PSTPIP1: variants seen among roughly 807,000 people sequenced by gnomAD.
The protein encoded by PSTPIP1 is proline-serine-threonine phosphatase interacting protein 1, also known as proline-serine-threonine phosphatase-interacting protein 1.
Under a neutral mutation model 69.6 loss-of-function variants are expected in PSTPIP1, and 66 were observed. The ratio of observed to expected loss-of-function variants is 0.95; its 90% confidence interval spans 0.78 to 1.16. The LOEUF (loss-of-function observed/expected upper bound fraction) is 1.16. Among genes scored for constraint, PSTPIP1 ranks in the 50% most tolerant of loss-of-function variants. The pLI is 0.00. For synonymous variants in PSTPIP1, 266 were observed against 222.7 expected (o/e 1.19, Z -1.73); for missense variants, 603 against 557.4 (o/e 1.08, Z -0.82).
At chr15:77,026,227 G>T (rs774043213) in intron 5 of PSTPIP1, 2 of 455,678 alleles carry the variant, frequency 4.4e-6, no homozygotes, top group East Asian at 1.4e-4. Context: ...GGCTGAAGTT[G>T]GATATAGGTT....
intron 1 of PSTPIP1, among the ~76,000 whole-genome samples, chr15:76,999,197 G>A (rs1317517446): frequency 1.3e-5 from 2 of 152,164 alleles, no homozygotes; most frequent in East Asian, 3.9e-4. Flanking sequence ...TACTGGCTGA[G>A]GACGTGTTCA....
At chr15:76,997,367 A>G (rs1353922093) in intron 1 of PSTPIP1, among the ~76,000 whole-genome samples, 1 of 152,148 alleles carries the variant, frequency 6.6e-6, no homozygotes, top group Non-Finnish European at 1.5e-5. Flanking sequence ...CCGAAAGGTC[A>G]CTGTAGGCAT....
At chr15:77,001,869 AAGG>A (rs1473245480) in intron 1 of PSTPIP1, among the ~76,000 whole-genome samples, 1 of 152,216 alleles carries the variant, frequency 6.6e-6, no homozygotes, top group Non-Finnish European at 1.5e-5. Flanking sequence ...GAATGAGAGA[AAGG>A]AGATGGATGA....
chr15:77,025,751 G>T, intron 5 of PSTPIP1, 147 bp downstream of exon 5: 1 of 739,410 alleles, frequency 1.4e-6, no homozygotes, highest in East Asian at 2.7e-5. Context: ...TGGGGCTTGA[G>T]GGTGATCTGA....
intron 4 of PSTPIP1, 62 bp downstream of exon 4, chr15:77,025,380 GGGGGACAGAAGATGAGGTGTTGGGGC>G: frequency 6.3e-7 from 1 of 1,581,960 alleles, no homozygotes; most frequent in South Asian, 1.1e-5. Context: ...GGAGGGTTTG[GGGGGACAGAAGATGAGGTGTTGGGGC>G]TGGGGCTGGG....
At chr15:77,034,283 C>T (rs980224201) in intron 12 of PSTPIP1, among the ~76,000 whole-genome samples, 3 of 152,174 alleles carry the variant, frequency 2.0e-5, no homozygotes, top group Non-Finnish European at 2.9e-5. Flanking sequence ...GTCCCCAGCC[C>T]CTGCTGGCTT....
chr15:77,022,633 G>T (rs4420499), intron 3 of PSTPIP1, among the ~76,000 whole-genome samples: 20,327 of 152,208 alleles, frequency 0.13, 1,493 homozygotes, highest in South Asian at 0.21. Flanking sequence ...AGAGCTCAAG[G>T]CTGTTCACTT....
rs2076342688 is a variant in PSTPIP1 at position 77,028,605 on chromosome 15, G to A, written c.469G>A (p.Ala157Thr). ...KCRDADDAEQAFERISANGHQ... is the reference protein window; with the variant it reads ...KCRDADDAEQTFERISANGHQ... ...CCGGGACGCGGACGACGCGGAGCAG[G>A]CCTTCGAGCGCATTAGCGCCAACGG... Residue 157 changes from alanine to threonine, a missense_variant, in exon 7 of 15, where the codon GCC becomes ACC. Ala to Thr is a moderately conservative substitution (Grantham distance 58). Coordinates refer to ENST00000558012, the MANE Select transcript of PSTPIP1 (RefSeq NM_003978.5). The A allele has an allele frequency of 6.3e-7, 1 of 1,598,966 alleles. No individual in the cohort carries two copies. The highest frequency in any genetic ancestry group is 1.3e-5 in the African/African-American group (1 of 74,716).
intron 3 of PSTPIP1, among the ~76,000 whole-genome samples, chr15:77,022,178 C>T (rs746964576): frequency 2.3e-4 from 35 of 152,186 alleles, no homozygotes; most frequent in South Asian, 2.1e-4. Flanking sequence ...GAGAGAATGA[C>T]GACATTGCTG....
At chr15:77,024,500 A>C (rs1432628148) in intron 3 of PSTPIP1, 2 of 152,238 alleles carry the variant, frequency 1.3e-5, no homozygotes, top group African/African-American at 2.4e-5. Context: ...GAGAGGCTGC[A>C]GGGAGAGCCA....
intron 1 of PSTPIP1, among the ~76,000 whole-genome samples, chr15:77,015,612 C>G (rs913073199): frequency 6.6e-6 from 1 of 152,168 alleles, no homozygotes; most frequent in Non-Finnish European, 1.5e-5. Flanking sequence ...GGCAGACCCA[C>G]ATGACTGATT....
At chr15:77,008,524 C>T (rs1395996437) in intron 1 of PSTPIP1, among the ~76,000 whole-genome samples, 1 of 152,184 alleles carries the variant, frequency 6.6e-6, no homozygotes, top group African/African-American at 2.4e-5. Flanking sequence ...ATTATCCTGC[C>T]TCAGCCTCCC....
rs757597315 is a variant in PSTPIP1, at chr15:77,035,878, G to A, written c.1062G>A (p.Gln354=). The A allele has an allele frequency of 3.7e-5, 60 of 1,610,374 alleles. No individual in the cohort carries two copies. The highest frequency in any genetic ancestry group is 4.8e-5 in the Non-Finnish European group (57 of 1,179,562). ...VYTAIAVQEI[Q]GNPASPAQEY... ...CAGCCATCGCAGTGCAGGAGATACAGGGAAACCCGGCCTCACCAGCCCAGG... is the reference window on the plus strand; with the variant it reads ...CAGCCATCGCAGTGCAGGAGATACAAGGAAACCCGGCCTCACCAGCCCAGG... Residue 354 remains glutamine, a synonymous_variant, in exon 14 of 15, where the codon CAG becomes CAA. Transcript: ENST00000558012.
At chr15:77,026,346 G>A (rs1251269482) in intron 5 of PSTPIP1, among the ~76,000 whole-genome samples, 5 of 152,158 alleles carry the variant, frequency 3.3e-5, no homozygotes, top group Non-Finnish European at 5.9e-5. Flanking sequence ...GCCCTGCACA[G>A]GGTGGCAGGG....
intron 10 of PSTPIP1, among the ~76,000 whole-genome samples, chr15:77,032,002 T>C (rs928208563): frequency 1.3e-5 from 2 of 152,226 alleles, no homozygotes; most frequent in African/African-American, 2.4e-5. Flanking sequence ...GCATTCTCGC[T>C]GTGACCTTGG....
At chr15:77,015,082 C>A (rs988218582) in intron 1 of PSTPIP1, among the ~76,000 whole-genome samples, 3 of 152,238 alleles carry the variant, frequency 2.0e-5, no homozygotes, top group African/African-American at 7.2e-5. Flanking sequence ...ACTCCTCTGA[C>A]CCAGCCTGGG....
intron 1 of PSTPIP1, among the ~76,000 whole-genome samples, chr15:77,006,030 T>G (rs560673758): frequency 4.1e-4 from 62 of 152,342 alleles, no homozygotes; most frequent in Non-Finnish European, 1.3e-4. Context: ...CATATGGTAA[T>G]CCTATGTTTA....
chr15:77,028,327 G>A, intron 6 of PSTPIP1: 1 of 525,824 alleles, frequency 1.9e-6, no homozygotes, highest in South Asian at 2.5e-5. Flanking sequence ...CCCGGGGCAG[G>A]CCGCGCTGTC....
At chr15:76,995,826 C>T (rs1482142809) in intron 1 of PSTPIP1, among the ~76,000 whole-genome samples, 1 of 152,218 alleles carries the variant, frequency 6.6e-6, no homozygotes, top group Non-Finnish European at 1.5e-5. Flanking sequence ...CTCTCTGCTG[C>T]CCCGTGTGTT....
Sources: gnomAD v4.1 joint callset for allele counts (sites outside exome capture counted in the v4.1 genomes callset) on GRCh38, gnomAD v4.1.1 for gene constraint, MANE v1.5 for transcripts, NCBI Gene and HGNC (gene_info 2026-07-23, HGNC 2026-07-21) for gene names.